RPLP0: variants seen among roughly 807,000 people sequenced by gnomAD.
The protein encoded by RPLP0 is large ribosomal subunit protein uL10.
For missense variants in RPLP0, 276 were observed against 402.9 expected (o/e 0.69, Z 2.70); for synonymous variants, 137 against 153.4 (o/e 0.89, Z 0.79).
chr12:120,199,891 C>T lies in RPLP0; in HGVS notation c.55-406G>A. On this transcript the variant is annotated intron_variant, in intron 2 of 7. Transcript: ENST00000392514. ...CAACATTATTATTTGTAAAAACAAT[C>T]TAGGCGTGTTTATCCGGATTGTTAC... 7.7e-6 allele frequency: 3 copies of T among 387,458 alleles called. No individual in the cohort carries two copies. The East Asian group carries it at 2.2e-4, about 28-fold the overall frequency. The allele number at this position is 387,458 out of a possible 1,614,324, so 24.0% of individuals were successfully genotyped here.
At chr12:120,199,083 C>G in intron 4 of RPLP0, 35 bp downstream of exon 4, 1 of 1,611,082 alleles carries the variant, frequency 6.2e-7, no homozygotes, top group South Asian at 1.1e-5. Context: ...GGAGCAACAA[C>G]AAAGTCTCTT....
At position 120,197,601 on chromosome 12, in the gene RPLP0, T is replaced by C. The variant is rs764073751; in HGVS notation, c.652-139A>G. 3.5e-4 allele frequency: 331 copies of C among 957,346 alleles called. 1 individual carries two copies. Among genetic ancestry groups the C allele is most frequent in the Non-Finnish European group, 4.6e-4 (293 of 635,006 alleles). The allele number at this position is 957,346 out of a possible 1,614,324, so 59.3% of individuals were successfully genotyped here. ...TCTCAAGAGAGGCCATTTCATCTCATACCAAATGCTCCTGGCAGAGCAATT... is the reference window on the plus strand; with the variant it reads ...TCTCAAGAGAGGCCATTTCATCTCACACCAAATGCTCCTGGCAGAGCAATT... On this transcript the variant is annotated intron_variant, in intron 6 of 7. Coordinates refer to ENST00000392514, the MANE Select transcript of RPLP0 (RefSeq NM_001002.4).
chr12:120,199,300 G>A lies in RPLP0; in HGVS notation c.230+10C>T. ...TGGGGAGAAAGGACAAAACTGCCAG[G>A]GGAACTGACTTCTCCAGAGCTGGGT... On this transcript the variant is annotated intron_variant, in intron 3 of 7. Transcript: ENST00000392514. The A allele has an allele frequency of 6.2e-7, 1 of 1,614,018 alleles. No homozygotes were observed. Among genetic ancestry groups the A allele is most frequent in the East Asian group, 2.2e-5 (1 of 44,880 alleles).
chr12:120,199,810 G>C, intron 2 of RPLP0: 1 of 358,332 alleles, frequency 2.8e-6, no homozygotes, highest in South Asian at 2.3e-5. Flanking sequence ...CAAGTAAGTT[G>C]GTCAAGAGGA....
At position 120,198,576 on chromosome 12, in the gene RPLP0, G is replaced by C. The variant is rs1410919408; in HGVS notation, c.629C>G (p.Thr210Ser). Residue 210 changes from threonine to serine, a missense_variant, in exon 6 of 8, where the codon ACT becomes AGT. By Grantham distance (58) the Thr-to-Ser change is moderately conservative. Coordinates refer to ENST00000392514, the MANE Select transcript of RPLP0 (RefSeq NM_001002.4). The surrounding 1 kb of genome is among the most constrained non-coding windows in gnomAD (Gnocchi z 4.1). Reference protein sequence around the residue: ...NPEVLDITEETLHSRFLEGVR... With the variant: ...NPEVLDITEESLHSRFLEGVR... The stretch of plus-strand genomic sequence containing the variant: ...TACCTCCAGGAAGCGAGAATGCAGA[G>C]TTTCCTCTGTGATATCAAGCACTTC... 3.1e-6 allele frequency: 5 copies of C among 1,614,142 alleles called. No individual in the cohort carries two copies. The highest frequency in any genetic ancestry group is 1.7e-5 in the Admixed American group (1 of 60,016).
In RPLP0 at chr12:120,198,476, T is replaced by G. The variant is rs573139887; in HGVS notation, c.651+78A>C. ...GGTAGACAGATGAAAACACAGTCCT[T>G]GGTTACAGGGACTCAGTCTGAACCT... On this transcript the variant is annotated intron_variant, in intron 6 of 7. Transcript: ENST00000392514. This position sits in a 1 kb window ranked among gnomAD's most constrained non-coding sequence, Gnocchi z 4.1. 59 of 1,497,974 alleles carry G rather than the reference T, an allele frequency of 3.9e-5. No homozygotes were observed. In the African/African-American group the frequency reaches 7.6e-4, roughly 19 times the overall value. 92.8% of individuals were successfully genotyped at this position (1,497,974 alleles called of 1,614,324 possible).
intron 6 of RPLP0, 153 bp from the exon 7 acceptor site, chr12:120,197,615 G>A (rs1879232868): frequency 2.4e-6 from 2 of 848,826 alleles, no homozygotes; most frequent in Non-Finnish European, 3.7e-6. Context: ...AAATGCTCCT[G>A]GCAGAGCAAT....
intron 2 of RPLP0, 53 bp downstream of exon 2, chr12:120,200,677 C>G (rs968843279): frequency 6.3e-7 from 1 of 1,580,570 alleles, no homozygotes; most frequent in East Asian, 2.3e-5. Context: ...GCTGACTGTC[C>G]CTATTTGCGC....
rs535049942 is a variant in RPLP0 at position 120,197,820 on chromosome 12, A to G, written c.652-358T>C. On this transcript the variant is annotated intron_variant, in intron 6 of 7. Transcript: ENST00000392514. ...TTCATTCACTTGTCAAACTTTCAACAAATGAAGCTACCTAAGAGTAGCTAA... is the reference window on the plus strand; with the variant it reads ...TTCATTCACTTGTCAAACTTTCAACGAATGAAGCTACCTAAGAGTAGCTAA... 5 of 234,506 alleles carry G rather than the reference A, an allele frequency of 2.1e-5. No individual in the cohort carries two copies. In the East Asian group the frequency reaches 4.5e-4, roughly 21 times the overall value. 14.5% of individuals were successfully genotyped at this position (234,506 alleles called of 1,614,324 possible).
At chr12:120,199,557 C>T in intron 2 of RPLP0, 72 bp from the exon 3 acceptor site, 1 of 1,475,828 alleles carries the variant, frequency 6.8e-7, no homozygotes, top group Non-Finnish European at 9.2e-7. Flanking sequence ...AGAAACTGAA[C>T]CCCACAATTT....
In RPLP0 at chr12:120,197,745, G is replaced by A; in HGVS notation, c.652-283C>T. 8.1e-6 allele frequency: 3 copies of A among 371,564 alleles called. 1 individual carries two copies. Among genetic ancestry groups the A allele is most frequent in the East Asian group, 4.4e-5 (1 of 22,808 alleles). 23.0% of individuals were successfully genotyped at this position (371,564 alleles called of 1,614,324 possible). A position where few individuals can be genotyped will look rare whatever the true frequency, so the allele number is the denominator to read the frequency against. On this transcript the variant is annotated intron_variant, in intron 6 of 7. Coordinates refer to ENST00000392514, the MANE Select transcript of RPLP0 (RefSeq NM_001002.4). Reference sequence around the variant, plus strand: ...GTGAAAAGCATAAACGACTAACGTAGCCATTGAGTTCCATGAACGAAAAAT... The same window carrying A: ...GTGAAAAGCATAAACGACTAACGTAACCATTGAGTTCCATGAACGAAAAAT...
At position 120,198,450 on chromosome 12, in the gene RPLP0, A is replaced by C; in HGVS notation, c.651+104T>G. The C allele has an allele frequency of 1.7e-6, 2 of 1,179,044 alleles. No individual in the cohort carries two copies. The highest frequency in any genetic ancestry group is 2.5e-6 in the Non-Finnish European group (2 of 801,578). 73.0% of individuals were successfully genotyped at this position (1,179,044 alleles called of 1,614,324 possible). The stretch of plus-strand genomic sequence containing the variant: ...GTTACTGACATTTTACAGATGAGGT[A>C]GGTAGACAGATGAAAACACAGTCCT... On this transcript the variant is annotated intron_variant, in intron 6 of 7. Coordinates refer to ENST00000392514, the MANE Select transcript of RPLP0 (RefSeq NM_001002.4). The surrounding 1 kb of genome is among the most constrained non-coding windows in gnomAD (Gnocchi z 4.1).
intron 7 of RPLP0, 150 bp downstream of exon 7, chr12:120,197,172 G>C: frequency 1.0e-6 from 1 of 987,264 alleles, no homozygotes; most frequent in African/African-American, 1.6e-5. Context: ...AGTGAGAAAC[G>C]CCTTCCCTGC....
Position 120,199,011 on chromosome 12 carries a change from CAACA to C in RPLP0, c.319-15_319-12del, listed in dbSNP as rs766234629. On this transcript the variant is annotated splice_polypyrimidine_tract_variant and intron_variant, in intron 4 of 7. Coordinates refer to ENST00000392514, the MANE Select transcript of RPLP0 (RefSeq NM_001002.4). ...GGCAGCAGCTGGCACCTGACAAAGA[CAACA>C]AACAGTGAGAAAAGCCTCTCCACTC... The C allele has an allele frequency of 8.7e-6, 14 of 1,613,942 alleles. No homozygotes were observed. The highest frequency in any genetic ancestry group is 1.7e-5 in the Admixed American group (1 of 59,978).
Position 120,198,492 on chromosome 12 carries a change from G to A in RPLP0, c.651+62C>T. 2.5e-6 allele frequency: 4 copies of A among 1,587,152 alleles called. No homozygotes were observed. In the South Asian group the frequency reaches 4.4e-5, roughly 18 times the overall value. On this transcript the variant is annotated intron_variant, in intron 6 of 7. Coordinates refer to ENST00000392514, the MANE Select transcript of RPLP0 (RefSeq NM_001002.4). The surrounding 1 kb of genome is among the most constrained non-coding windows in gnomAD (Gnocchi z 4.1). ...CACAGTCCTTGGTTACAGGGACTCA[G>A]TCTGAACCTTGTCATGCTCTCAACC...
chr12:120,197,039 G>T (rs1879210070), intron 7 of RPLP0, 105 bp from the exon 8 acceptor site: 27 of 1,558,740 alleles, frequency 1.7e-5, no homozygotes, highest in Non-Finnish European at 2.4e-5. Flanking sequence ...CAAAGTCCGT[G>T]TGAAGCCTTT....
At position 120,200,731 on chromosome 12, in the gene RPLP0, A is replaced by G; in HGVS notation, c.53T>C (p.Ile18Thr). 2 of 1,611,038 alleles carry G rather than the reference A, an allele frequency of 1.2e-6. No individual in the cohort carries two copies. The highest frequency in any genetic ancestry group is 1.7e-6 in the Non-Finnish European group (2 of 1,178,964). The change falls in exon 2 of 8, where the codon ATC becomes ACC. Residue 18 changes from isoleucine (I) to threonine (T), a missense_variant and splice_region_variant. By Grantham distance (89) the Ile-to-Thr change is moderately conservative. Coordinates refer to ENST00000392514, the MANE Select transcript of RPLP0 (RefSeq NM_001002.4). Reference protein sequence around the residue: ...TWKSNYFLKIIQLLDDYPKCF... With the variant: ...TWKSNYFLKITQLLDDYPKCF... Reference sequence around the variant, plus strand: ...AGAGGCGACCCACCCTGCACTTACGATGATCTTAAGGAAGTAGTTGGACTT... The same window carrying G: ...AGAGGCGACCCACCCTGCACTTACGGTGATCTTAAGGAAGTAGTTGGACTT...
chr12:120,200,925 G>A, intron 1 of RPLP0, 94 bp from the exon 2 acceptor site: 3 of 1,411,516 alleles, frequency 2.1e-6, no homozygotes, highest in South Asian at 3.0e-5. Context: ...ATCGCCCGCC[G>A]GCCCTGCCTA....
rs761061366 is a variant in RPLP0, at chr12:120,198,793, A to G, written c.466-54T>C. On this transcript the variant is annotated intron_variant, in intron 5 of 7. Coordinates refer to ENST00000392514, the MANE Select transcript of RPLP0 (RefSeq NM_001002.4). This position sits in a 1 kb window ranked among gnomAD's most constrained non-coding sequence, Gnocchi z 4.1. ...CACCTGTTGGACAACCAGCAGATCC[A>G]TGGCCACTAAAAGCAGCTCCCCATT... 6.2e-7 allele frequency: 1 copy of G among 1,610,598 alleles called. No individual in the cohort carries two copies. Among genetic ancestry groups the G allele is most frequent in the South Asian group, 1.1e-5 (1 of 90,992 alleles).
Sources: allele counts gnomAD v4.1 joint callset, GRCh38; gene constraint gnomAD v4.1.1; non-coding constraint Gnocchi (gnomAD v3.1); transcripts MANE v1.5; gene names NCBI Gene and HGNC (gene_info 2026-07-23, HGNC 2026-07-21).